NOTCH2NLC: variants seen among roughly 807,000 people sequenced by gnomAD.
NOTCH2NLC encodes the protein notch homolog 2 N-terminal-like protein C.
In NOTCH2NLC, 4 loss-of-function variants were observed where a neutral mutation model predicts 17.7. The ratio of observed to expected loss-of-function variants is 0.23; its 90% confidence interval spans 0.11 to 0.52. The LOEUF is 0.52. Ranked by LOEUF, NOTCH2NLC falls within the 20% of genes least tolerant of loss-of-function variation. The pLI is 0.96. For missense variants in NOTCH2NLC, 57 were observed against 207.2 expected, an observed-to-expected ratio of 0.28 and a Z score of 4.45; for synonymous variants, 18 against 86.0, an observed-to-expected ratio of 0.21 and a Z score of 4.38.
rs1332169696 is a variant in NOTCH2NLC, at chr1:149,462,126, T to TATAATA, written c.470-1347_470-1342dup. 6.9e-3 allele frequency among the ~76,000 whole-genome samples: 982 copies of TATAATA among 143,216 alleles called. 27 individuals carry two copies. Among genetic ancestry groups the TATAATA allele is most frequent in the African/African-American group, 0.011 (419 of 38,640 alleles). The allele number at this position is 143,216 out of a possible 152,430, so 94.0% of individuals were successfully genotyped here. A position where few individuals can be genotyped will look rare whatever the true frequency, so the allele number is the denominator to read the frequency against. On this transcript the variant is annotated intron_variant, in intron 3 of 4. Coordinates refer to ENST00000650865, the MANE Select transcript of NOTCH2NLC (RefSeq NM_001364013.2). ...TGCACGTGTACCCTAGAACTTAAAG[T>TATAATA]ATAATAATAATAATAATAATAATTC...
rs1487893293 is a variant in NOTCH2NLC at position 149,409,308 on chromosome 1, A to G, written c.135+18386A>G. Among the ~76,000 whole-genome samples the G allele has an allele frequency of 2.7e-5, 4 of 149,424 alleles. No individual in the cohort carries two copies. The East Asian group carries it at 8.0e-4, about 30-fold the overall frequency. ...TATCTGAATTAAGTATCTCTGATTT[A>G]ACTCTGTGTGTGTGTGTGCATGTGT... On this transcript the variant is annotated intron_variant, in intron 1 of 4. Transcript: ENST00000650865.
chr1:149,454,803 C>G (rs1333039784), intron 2 of NOTCH2NLC, among the ~76,000 whole-genome samples: 1 of 149,762 alleles, frequency 6.7e-6, no homozygotes, highest in Admixed American at 6.7e-5. Flanking sequence ...GAAGCACTTA[C>G]TATTTCTCAA....
chr1:149,409,310 C>T lies in NOTCH2NLC; in HGVS notation c.135+18388C>T, dbSNP rs1335224351. Among the ~76,000 whole-genome samples, 1,195 of 148,964 alleles carry T rather than the reference C, an allele frequency of 8.0e-3. 31 individuals carry two copies. Among genetic ancestry groups the T allele is most frequent in the African/African-American group, 0.028 (1,154 of 40,764 alleles). The stretch of plus-strand genomic sequence containing the variant: ...TCTGAATTAAGTATCTCTGATTTAA[C>T]TCTGTGTGTGTGTGTGCATGTGTGT... On this transcript the variant is annotated intron_variant, in intron 1 of 4. Transcript: ENST00000650865.
chr1:149,464,742 A>C lies in NOTCH2NLC; in HGVS notation c.*589A>C, dbSNP rs1249296735. The C allele has an allele frequency of 6.6e-6, 1 of 150,500 alleles. No individual in the cohort carries two copies. Among genetic ancestry groups the C allele is most frequent in the African/African-American group, 2.4e-5 (1 of 41,000 alleles). The allele number at this position is 150,500 out of a possible 1,614,324, so 9.3% of individuals were successfully genotyped here. The stretch of plus-strand genomic sequence containing the variant: ...TAAGCAACAAAGATCCTGTTTTTAT[A>C]CAAATATCCTTAGTACAAAAACAAA... On this transcript the variant is annotated 3_prime_UTR_variant, in exon 5 of 5. Coordinates refer to ENST00000650865, the MANE Select transcript of NOTCH2NLC (RefSeq NM_001364013.2).
intron 1 of NOTCH2NLC, among the ~76,000 whole-genome samples, chr1:149,398,682 AC>A: frequency 6.6e-6 from 1 of 151,298 alleles, no homozygotes; most frequent in East Asian, 2.0e-4. Flanking sequence ...CCAGCCAGCT[AC>A]GTCGCTCCAG....
intron 2 of NOTCH2NLC, among the ~76,000 whole-genome samples, chr1:149,448,627 C>T (rs1467411184): frequency 1.3e-5 from 2 of 150,884 alleles, no homozygotes; most frequent in African/African-American, 4.9e-5. Flanking sequence ...TCTCACGATG[C>T]CTTCTCAGTT....
rs1158313225 is a variant in NOTCH2NLC, at chr1:149,461,342, G to A, written c.470-2149G>A. Among the ~76,000 whole-genome samples the A allele has an allele frequency of 9.1e-3, 1,355 of 149,294 alleles. 44 individuals are homozygous for A. Among genetic ancestry groups the A allele is most frequent in the African/African-American group, 0.032 (1,285 of 40,596 alleles). ...GTAAATAAGTGCCTCTTAGTGACATGAGTGGAAAGACAAGAAGAATTGCAG... is the reference window on the plus strand; with the variant it reads ...GTAAATAAGTGCCTCTTAGTGACATAAGTGGAAAGACAAGAAGAATTGCAG... On this transcript the variant is annotated intron_variant, in intron 3 of 4. Coordinates refer to ENST00000650865, the MANE Select transcript of NOTCH2NLC (RefSeq NM_001364013.2).
intron 2 of NOTCH2NLC, among the ~76,000 whole-genome samples, chr1:149,435,820 C>G (rs2084478984): frequency 7.1e-6 from 1 of 141,414 alleles, no homozygotes; most frequent in South Asian, 2.3e-4. Flanking sequence ...CCTCTGACTC[C>G]TCAGTATCGC....
chr1:149,402,359 G>A lies in NOTCH2NLC; in HGVS notation c.135+11437G>A, dbSNP rs1413450966. Among the ~76,000 whole-genome samples the A allele has an allele frequency of 2.0e-5, 3 of 150,322 alleles. 1 individual carries two copies. The highest frequency in any genetic ancestry group is 4.5e-5 in the Non-Finnish European group (3 of 67,168). ...GCCTCCCAAAGTGCTGGGATTACAG[G>A]TGAGCCACCGTGCCTGGTCCTTGCA... is the stretch of plus-strand genomic sequence containing the variant. On this transcript the variant is annotated intron_variant, in intron 1 of 4. Transcript: ENST00000650865.
intron 1 of NOTCH2NLC, among the ~76,000 whole-genome samples, chr1:149,392,693 T>C (rs1327425177): frequency 6.6e-6 from 1 of 151,400 alleles, no homozygotes. Flanking sequence ...ATATGTAGTC[T>C]CTTCACCTAT....
chr1:149,412,049 G>A (rs2101472617), intron 1 of NOTCH2NLC, among the ~76,000 whole-genome samples: 1 of 106,746 alleles, frequency 9.4e-6, no homozygotes, highest in African/African-American at 3.5e-5. Flanking sequence ...CCCAGAGGTT[G>A]AGGCTGCAGT....
At chr1:149,445,091 A>G (rs2084541635) in intron 2 of NOTCH2NLC, among the ~76,000 whole-genome samples, 1 of 132,978 alleles carries the variant, frequency 7.5e-6, no homozygotes, top group Non-Finnish European at 1.6e-5. Context: ...CAAAGTTGGT[A>G]ATTAGCATAA....
intron 2 of NOTCH2NLC, among the ~76,000 whole-genome samples, chr1:149,432,724 C>T (rs1247030701): frequency 1.3e-5 from 2 of 149,198 alleles, no homozygotes; most frequent in East Asian, 4.0e-4. Context: ...ATAGTTAATG[C>T]CTAGTACAGT....
At chr1:149,446,846 ATAAT>A (rs1440762951) in intron 2 of NOTCH2NLC, among the ~76,000 whole-genome samples, 2 of 114,064 alleles carry the variant, frequency 1.8e-5, no homozygotes, top group South Asian at 3.5e-4. Context: ...AGTTATGAAA[ATAAT>A]TAATAAACTC....
At chr1:149,421,496 C>T (rs1288479831) in intron 1 of NOTCH2NLC, among the ~76,000 whole-genome samples, 2 of 102,520 alleles carry the variant, frequency 2.0e-5, no homozygotes, top group African/African-American at 8.1e-5. Context: ...GAGACTCCAT[C>T]TCAAAAAAAA....
chr1:149,390,870 T>C lies in NOTCH2NLC; in HGVS notation c.83T>C (p.Leu28Pro). ...GDREDARPAP[L>P]CCGRCWRSGC... ...CGAGAAGATGCCCGCCCTGCGCCGCTCTGCTGTGGGCGCTGCTGGCGCTCT... is the reference window on the plus strand; with the variant it reads ...CGAGAAGATGCCCGCCCTGCGCCGCCCTGCTGTGGGCGCTGCTGGCGCTCT... Residue 28 changes from leucine (L) to proline (P), a missense_variant, in exon 1 of 5, where the codon CTC (leucine) becomes CCC (proline). By Grantham distance (98) the Leu-to-Pro change is moderately conservative. Around this residue, in one of 7 missense-constraint regions of NOTCH2NLC, gnomAD observed 25 missense variants for 27.0 expected, o/e 0.93. Transcript: ENST00000650865. The C allele has an allele frequency of 1.4e-6, 2 of 1,431,690 alleles. No individual in the cohort carries two copies. The highest frequency in any genetic ancestry group is 1.8e-6 in the Non-Finnish European group (2 of 1,098,966). 88.7% of individuals were successfully genotyped at this position (1,431,690 alleles called of 1,614,324 possible).
Position 149,471,803 on chromosome 1 carries a change from T to C in NOTCH2NLC, c.*7650T>C, listed in dbSNP as rs2084722388. Among the ~76,000 whole-genome samples the C allele has an allele frequency of 1.7e-4, 20 of 115,774 alleles. 1 individual carries two copies. The South Asian group carries it at 5.7e-3, about 33-fold the overall frequency. The allele number at this position is 115,774 out of a possible 152,430, so 76.0% of individuals were successfully genotyped here. On this transcript the variant is annotated 3_prime_UTR_variant, in exon 5 of 5. Transcript: ENST00000650865. ...ATGAATTATACTATGGAACTAATAA[T>C]AACAGTAATAAAGCAAGGTGTCTTT...
intron 1 of NOTCH2NLC, among the ~76,000 whole-genome samples, chr1:149,394,895 T>G (rs1340829832): frequency 6.7e-6 from 1 of 150,124 alleles, no homozygotes; most frequent in African/African-American, 2.5e-5. Context: ...TTTGGACAGA[T>G]CACTGAACTA....
chr1:149,427,404 A>G lies in NOTCH2NLC; in HGVS notation c.136-3538A>G, dbSNP rs1217057520. Among the ~76,000 whole-genome samples the G allele has an allele frequency of 9.6e-4, 142 of 147,494 alleles. 3 individuals carry two copies. Among genetic ancestry groups the G allele is most frequent in the Non-Finnish European group, 1.8e-3 (120 of 66,654 alleles). On this transcript the variant is annotated intron_variant, in intron 1 of 4. Coordinates refer to ENST00000650865, the MANE Select transcript of NOTCH2NLC (RefSeq NM_001364013.2). ...CCTGTGCCTTATTTCACTTAGCATA[A>G]TGTTCTCCAATTCTATCCATGTTGT... is the stretch of plus-strand genomic sequence containing the variant.
Sources: gnomAD v4.1 joint callset for allele counts (sites outside exome capture counted in the v4.1 genomes callset) on GRCh38, gnomAD v4.1.1 for gene constraint, gnomAD v4.1.1 regional missense constraint, MANE v1.5 for transcripts, NCBI Gene and HGNC (gene_info 2026-07-23, HGNC 2026-07-21) for gene names.